TDRD5: variants seen among roughly 807,000 people sequenced by gnomAD.
TDRD5 encodes the protein tudor domain containing 5, also known as tudor domain-containing protein 5.
Under a neutral mutation model 120.6 loss-of-function variants are expected in TDRD5, and 41 were observed. The ratio of observed to expected loss-of-function variants is 0.34; its 90% confidence interval spans 0.26 to 0.44. TDRD5 has a LOEUF of 0.44. TDRD5 is among the 20% of genes least tolerant of loss of function. The probability of loss-of-function intolerance (pLI) is 1.00; values close to 1 mark genes in which losing one functional copy is unlikely to be tolerated. For synonymous variants in TDRD5, 430 were observed against 433.7 expected, an observed-to-expected ratio of 0.99 and a Z score of 0.11; for missense variants, 1,006 against 1,221.2, an observed-to-expected ratio of 0.82 and a Z score of 2.63.
chr1:179,621,148 A>G, intron 6 of TDRD5, 57 bp downstream of exon 6: 1 of 1,504,436 alleles, frequency 6.6e-7, no homozygotes, highest in South Asian at 1.3e-5. Context: ...TTCTTGTGAT[A>G]GATGGAATTT....
At chr1:179,648,452 T>TGGG (rs754051680) in intron 11 of TDRD5, among the ~76,000 whole-genome samples, 1 of 37,302 alleles carries the variant, frequency 2.7e-5, no homozygotes, top group Admixed American at 4.0e-4. Flanking sequence ...TGTTGTGGGG[T>TGGG]GGGGGGGGGG....
chr1:179,660,764 C>T (rs939566250), intron 14 of TDRD5, among the ~76,000 whole-genome samples: 3 of 152,086 alleles, frequency 2.0e-5, no homozygotes, highest in Non-Finnish European at 4.4e-5. Context: ...TATATATACC[C>T]AGATATTTAT....
intron 11 of TDRD5, among the ~76,000 whole-genome samples, chr1:179,646,973 A>G (rs1312007483): frequency 6.7e-6 from 1 of 150,076 alleles, no homozygotes; most frequent in Non-Finnish European, 1.5e-5. Context: ...ATGGAAGAAC[A>G]TTCCATGCTC....
intron 6 of TDRD5, among the ~76,000 whole-genome samples, chr1:179,625,634 G>C (rs1677082520): frequency 6.6e-6 from 1 of 152,088 alleles, no homozygotes; most frequent in Admixed American, 6.6e-5. Flanking sequence ...TTTATCCTTT[G>C]ACCCAGAATT....
At chr1:179,643,437 C>T (rs1678160950) in intron 11 of TDRD5, among the ~76,000 whole-genome samples, 1 of 152,098 alleles carries the variant, frequency 6.6e-6, no homozygotes. Context: ...TTTAAAGCAG[C>T]TATTGTGAAT....
intron 6 of TDRD5, among the ~76,000 whole-genome samples, chr1:179,630,225 C>T (rs1432498450): frequency 1.3e-5 from 2 of 152,138 alleles, no homozygotes; most frequent in Non-Finnish European, 2.9e-5. Context: ...TTTCGATCTC[C>T]TGATGTCGTG....
chr1:179,599,929 T>G (rs1342541550), intron 4 of TDRD5, among the ~76,000 whole-genome samples: 1 of 152,188 alleles, frequency 6.6e-6, no homozygotes, highest in Admixed American at 6.5e-5. Context: ...TTATGTACAA[T>G]ACATAATAGT....
intron 17 of TDRD5, among the ~76,000 whole-genome samples, chr1:179,681,905 G>A (rs1347112875): frequency 1.8e-5 from 1 of 54,952 alleles, no homozygotes; most frequent in East Asian, 4.9e-4. Context: ...TACTAGTCTT[G>A]TTCAGTTTCT....
intron 11 of TDRD5, among the ~76,000 whole-genome samples, chr1:179,645,296 G>A (rs896791440): frequency 1.3e-5 from 2 of 151,038 alleles, no homozygotes; most frequent in East Asian, 1.9e-4. Context: ...CGTTTTAGCC[G>A]GGATGGTCTC....
chr1:179,668,594 C>T (rs779190993), intron 16 of TDRD5, among the ~76,000 whole-genome samples: 3 of 152,178 alleles, frequency 2.0e-5, no homozygotes, highest in Non-Finnish European at 4.4e-5. Context: ...TCACTTCTCT[C>T]GTGCCCTGCC....
At chr1:179,651,154 TGGTTTATTC>T in intron 12 of TDRD5, 87 bp downstream of exon 12, 1 of 1,421,210 alleles carries the variant, frequency 7.0e-7, no homozygotes, top group Non-Finnish European at 9.5e-7. Context: ...GAAGTTTATT[TGGTTTATTC>T]TTTAACCAAT....
At chr1:179,673,886 G>A (rs1679980401) in intron 17 of TDRD5, among the ~76,000 whole-genome samples, 1 of 152,162 alleles carries the variant, frequency 6.6e-6, no homozygotes, top group Non-Finnish European at 1.5e-5. Context: ...GCTACTGATT[G>A]TGTACATTAA....
chr1:179,622,907 A>G (rs1676913980), intron 6 of TDRD5, among the ~76,000 whole-genome samples: 1 of 152,184 alleles, frequency 6.6e-6, no homozygotes, highest in Admixed American at 6.5e-5. Flanking sequence ...AGAAAACCCC[A>G]AACAAGTAAT....
intron 11 of TDRD5, among the ~76,000 whole-genome samples, chr1:179,642,321 A>G (rs1678098005): frequency 6.6e-6 from 1 of 151,928 alleles, no homozygotes; most frequent in Admixed American, 6.6e-5. Context: ...GCTGGTCTCT[A>G]TCTCTTGGCC....
chr1:179,685,942 G>C (rs1021639286), intron 17 of TDRD5, among the ~76,000 whole-genome samples: 1 of 152,160 alleles, frequency 6.6e-6, no homozygotes, highest in African/African-American at 2.4e-5. Context: ...GAGATTTTGA[G>C]CTAAGATGAT....
intron 11 of TDRD5, among the ~76,000 whole-genome samples, chr1:179,645,377 G>T (rs1342458912): frequency 1.3e-5 from 2 of 152,086 alleles, no homozygotes; most frequent in Admixed American, 6.5e-5. Flanking sequence ...GAGCCACCGC[G>T]CCCGGCCATA....
At chr1:179,675,055 G>A (rs544580025) in intron 17 of TDRD5, among the ~76,000 whole-genome samples, 2 of 151,696 alleles carry the variant, frequency 1.3e-5, no homozygotes, top group South Asian at 4.2e-4. Flanking sequence ...CTCTGATCCT[G>A]GTTATTTCCT....
In TDRD5 at chr1:179,663,368, T is replaced by C. The variant is rs73037621; in HGVS notation, c.2526T>C (p.Pro842=). The part of the protein sequence containing the change: ...MPQKDWCFST[P]KDTWDDSWQP... ...TATAGGACTGGTGTTTTTCTACCCC[T>C]AAAGATACATGGGATGATTCTTGGC... Residue 842 remains proline (P), a synonymous_variant, in exon 16 of 18, where the codon CCT becomes CCC. Transcript: ENST00000444136. 2 of 1,612,842 alleles carry C rather than the reference T, an allele frequency of 1.2e-6. No homozygotes were observed. Among genetic ancestry groups the C allele is most frequent in the South Asian group, 2.2e-5 (2 of 90,700 alleles).
At chr1:179,660,132 T>A (rs1318978104) in intron 14 of TDRD5, among the ~76,000 whole-genome samples, 1 of 152,018 alleles carries the variant, frequency 6.6e-6, no homozygotes, top group Non-Finnish European at 1.5e-5. Context: ...TTCCCCTGAT[T>A]TTCATTCATC....
Sources: gnomAD v4.1 joint callset for allele counts (sites outside exome capture counted in the v4.1 genomes callset) on GRCh38, gnomAD v4.1.1 for gene constraint, MANE v1.5 for transcripts, NCBI Gene and HGNC (gene_info 2026-07-23, HGNC 2026-07-21) for gene names.